The following RERE variants were observed in gnomAD, a reference collection of about 807,000 sequenced individuals.
RERE encodes the protein arginine-glutamic acid dipeptide repeats protein.
In RERE, 40 loss-of-function variants were observed where a neutral mutation model predicts 146.1. The ratio of observed to expected loss-of-function variants is 0.27; its 90% CI spans 0.21 to 0.36. The LOEUF is 0.36. RERE is among the 10% of genes least tolerant of loss of function. The pLI is 1.00. For synonymous variants in RERE, 1,003 were observed against 866.0 expected, an observed-to-expected ratio of 1.16 and a Z score of -2.78; for missense variants, 1,933 against 2,138.7, an observed-to-expected ratio of 0.90 and a Z score of 1.90.
At chr1:8,806,690 G>A (rs528052590) in intron 1 of RERE, 2 of 152,204 alleles carry the variant, frequency 1.3e-5, no homozygotes, top group Admixed American at 1.3e-4. Flanking sequence ...AGTGACCAAA[G>A]CAGATGATGG....
chr1:8,367,920 C>T (rs1226846064), intron 12 of RERE, among the ~76,000 whole-genome samples: 1 of 152,186 alleles, frequency 6.6e-6, no homozygotes, highest in Admixed American at 6.5e-5. Flanking sequence ...TAGGGGGTTA[C>T]AAGATCACTG....
chr1:8,712,090 C>A (rs1048513779), intron 1 of RERE, among the ~76,000 whole-genome samples: 1 of 152,082 alleles, frequency 6.6e-6, no homozygotes, highest in Admixed American at 6.5e-5. Flanking sequence ...CTAGAAAATG[C>A]CAGAAGACTC....
intron 10 of RERE, among the ~76,000 whole-genome samples, chr1:8,471,749 A>AG (rs1489399805): frequency 6.6e-6 from 1 of 152,054 alleles, no homozygotes; most frequent in Admixed American, 6.6e-5. Context: ...CCTGGGTTCA[A>AG]GTGCTCTTCC....
chr1:8,361,061 G>C lies in RERE; in HGVS notation c.2446C>G (p.Pro816Ala), dbSNP rs754818027. ...LHPQRPPSPH[P>A]PPHPSPHPPL... ...GGATGTGGCGAGGGATGCGGCGGGG[G>C]ATGCGGTGAGGGCGGCCGCTGGGGG... The change falls in exon 18 of 23, where the codon CCC becomes GCC. Residue 816 changes from proline to alanine, a missense_variant. By Grantham distance (27) the Pro-to-Ala change is conservative. Coordinates refer to ENST00000400908, the MANE Select transcript of RERE (RefSeq NM_001042681.2). 5 of 1,438,604 alleles carry C rather than the reference G, an allele frequency of 3.5e-6. No homozygotes were observed. Among genetic ancestry groups the C allele is most frequent in the Middle Eastern group, 1.9e-4 (1 of 5,218 alleles). 89.1% of individuals were successfully genotyped at this position (1,438,604 alleles called of 1,614,324 possible).
At chr1:8,529,617 T>C (rs1238347693) in intron 7 of RERE, among the ~76,000 whole-genome samples, 1 of 152,040 alleles carries the variant, frequency 6.6e-6, no homozygotes. Context: ...TCAGCTCTCA[T>C]GGCATCTGGA....
intron 4 of RERE, among the ~76,000 whole-genome samples, chr1:8,590,065 G>A (rs546066747): frequency 6.6e-6 from 1 of 152,228 alleles, no homozygotes; most frequent in East Asian, 1.9e-4. Context: ...TCAGGACTAA[G>A]TCAGTCCCTT....
chr1:8,763,601 C>T (rs1640794426), intron 1 of RERE, among the ~76,000 whole-genome samples: 1 of 152,148 alleles, frequency 6.6e-6, no homozygotes, highest in South Asian at 2.1e-4. Flanking sequence ...AACCACTGCA[C>T]TCCAACCTGG....
intron 1 of RERE, among the ~76,000 whole-genome samples, chr1:8,812,076 C>T: frequency 6.6e-6 from 1 of 152,142 alleles, no homozygotes; most frequent in South Asian, 2.1e-4. Context: ...TACTTTTCCC[C>T]AACTTGAGAT....
At chr1:8,496,002 A>T (rs1485979212) in intron 9 of RERE, among the ~76,000 whole-genome samples, 1 of 151,792 alleles carries the variant, frequency 6.6e-6, no homozygotes, top group Non-Finnish European at 1.5e-5. Context: ...ATAGAGAGAG[A>T]AAAAAAATAT....
At position 8,423,502 on chromosome 1, in the gene RERE, T is replaced by C; in HGVS notation, c.1204-695A>G. On this transcript the variant is annotated intron_variant, in intron 11 of 22. Transcript: ENST00000400908. The surrounding 1 kb of genome is among the most constrained non-coding windows in gnomAD (Gnocchi z 5.4). ...GCCCGGAGACTTTCACTTTGTCCCA[T>C]GCCTCCCGAGCACCCCTCCCCGCCC... 2 of 973,826 alleles carry C rather than the reference T, an allele frequency of 2.1e-6. No individual in the cohort carries two copies. The highest frequency in any genetic ancestry group is 2.4e-6 in the Non-Finnish European group (2 of 819,368). The allele number at this position is 973,826 out of a possible 1,614,324, so 60.3% of individuals were successfully genotyped here.
At chr1:8,573,167 C>G (rs1192847989) in intron 4 of RERE, among the ~76,000 whole-genome samples, 2 of 152,042 alleles carry the variant, frequency 1.3e-5, no homozygotes, top group Non-Finnish European at 1.5e-5. Context: ...ATTTGACAGG[C>G]AGAAAGGTAT....
At chr1:8,370,631 C>A (rs1324297568) in intron 12 of RERE, among the ~76,000 whole-genome samples, 1 of 152,162 alleles carries the variant, frequency 6.6e-6, no homozygotes, top group African/African-American at 2.4e-5. Context: ...TCGGAAATGG[C>A]ATATTGGTGA....
intron 7 of RERE, among the ~76,000 whole-genome samples, chr1:8,520,827 T>C (rs1194749987): frequency 2.7e-5 from 4 of 148,588 alleles, no homozygotes; most frequent in South Asian, 4.3e-4. Context: ...TAGATTAAGC[T>C]GCTCTCCTGA....
intron 12 of RERE, among the ~76,000 whole-genome samples, chr1:8,417,660 C>T (rs1643813920): frequency 6.6e-6 from 1 of 152,114 alleles, no homozygotes; most frequent in Non-Finnish European, 1.5e-5. Context: ...CCTATACATA[C>T]TTCGGTAGCA....
chr1:8,559,683 A>G (rs1646055025), intron 4 of RERE, among the ~76,000 whole-genome samples: 1 of 152,140 alleles, frequency 6.6e-6, no homozygotes, highest in Non-Finnish European at 1.5e-5. Context: ...GATTTCAATG[A>G]ATTTTTTCAT....
At chr1:8,433,298 CAA>C (rs974704201) in intron 11 of RERE, among the ~76,000 whole-genome samples, 2 of 152,170 alleles carry the variant, frequency 1.3e-5, no homozygotes, top group Non-Finnish European at 2.9e-5. Flanking sequence ...TACAAAGAGA[CAA>C]GAGGAGGACT....
chr1:8,729,789 T>G (rs1640045920), intron 1 of RERE, among the ~76,000 whole-genome samples: 1 of 152,028 alleles, frequency 6.6e-6, no homozygotes. Flanking sequence ...ATACTACATA[T>G]TAAGAAAATG....
At chr1:8,522,142 C>T (rs1355779018) in intron 7 of RERE, among the ~76,000 whole-genome samples, 1 of 152,234 alleles carries the variant, frequency 6.6e-6, no homozygotes, top group Non-Finnish European at 1.5e-5. Flanking sequence ...TTATCACCCA[C>T]AGTTGCAGGA....
At chr1:8,748,314 A>G (rs758223147) in intron 1 of RERE, among the ~76,000 whole-genome samples, 1 of 152,096 alleles carries the variant, frequency 6.6e-6, no homozygotes, top group Non-Finnish European at 1.5e-5. Flanking sequence ...AAACGTGGGA[A>G]TTATCTTAGA....
Sources: allele counts gnomAD v4.1 joint callset (sites outside exome capture counted in the v4.1 genomes callset), GRCh38; gene constraint gnomAD v4.1.1; non-coding constraint Gnocchi (gnomAD v3.1); transcripts MANE v1.5; gene names NCBI Gene and HGNC (gene_info 2026-07-23, HGNC 2026-07-21).